CA10: variants seen among roughly 807,000 people sequenced by gnomAD.
The protein encoded by CA10 is carbonic anhydrase-related protein 10.
Under a neutral mutation model 44.2 loss-of-function variants are expected in CA10, and 14 were observed. The ratio of observed to expected loss-of-function variants is 0.32; its 90% CI spans 0.21 to 0.50. The LOEUF (loss-of-function observed/expected upper bound fraction) is 0.50, where lower values mean the gene tolerates loss of function less well. Ranked by LOEUF, CA10 falls within the 20% of genes least tolerant of loss-of-function variation. The pLI is 0.99. For synonymous variants in CA10, 159 were observed against 141.6 expected, an observed-to-expected ratio of 1.12 and a Z score of -0.87; for missense variants, 350 against 409.7, an observed-to-expected ratio of 0.85 and a Z score of 1.26.
At chr17:51,884,678 ACAAACTGGGAGGCTTAGCG>A (rs1431357381) in intron 3 of CA10, among the ~76,000 whole-genome samples, 19 of 150,634 alleles carry the variant, frequency 1.3e-4, no homozygotes, top group Admixed American at 7.2e-4. Flanking sequence ...ACAAATTAGC[ACAAACTGGGAGGCTTAGCG>A]CAAACTGGGA....
chr17:52,118,166 C>T (rs765564107), intron 1 of CA10, among the ~76,000 whole-genome samples: 21 of 151,988 alleles, frequency 1.4e-4, no homozygotes, highest in Non-Finnish European at 2.2e-4. Flanking sequence ...TTGGGATAGA[C>T]GTTAATAGTA....
intron 1 of CA10, among the ~76,000 whole-genome samples, chr17:52,140,893 T>C (rs537252025): frequency 6.6e-6 from 1 of 152,264 alleles, no homozygotes; most frequent in African/African-American, 2.4e-5. Flanking sequence ...TGAGAGAAAA[T>C]GCTCTACCAA....
At chr17:51,645,163 G>A (rs569943320) in intron 6 of CA10, among the ~76,000 whole-genome samples, 12 of 152,112 alleles carry the variant, frequency 7.9e-5, no homozygotes, top group African/African-American at 2.7e-4. Flanking sequence ...CCATCAGCCC[G>A]GTCATGGTCA....
intron 3 of CA10, among the ~76,000 whole-genome samples, chr17:51,921,373 CA>C (rs2143972423): frequency 1.3e-5 from 2 of 152,252 alleles, no homozygotes; most frequent in East Asian, 3.9e-4. Context: ...GAAGTCTGGC[CA>C]AAGTTACTTT....
At chr17:51,870,329 C>A (rs956160901) in intron 3 of CA10, among the ~76,000 whole-genome samples, 9 of 152,332 alleles carry the variant, frequency 5.9e-5, no homozygotes, top group African/African-American at 1.9e-4. Flanking sequence ...AAAGAGCTGG[C>A]AGTCCACAAA....
intron 3 of CA10, among the ~76,000 whole-genome samples, chr17:51,833,731 G>GTA (rs1006920768): frequency 3.9e-5 from 6 of 152,118 alleles, no homozygotes; most frequent in East Asian, 1.9e-4. Context: ...TCTGAAATAT[G>GTA]TATATATATA....
chr17:52,007,225 T>G (rs775111251), intron 2 of CA10, among the ~76,000 whole-genome samples: 1 of 151,666 alleles, frequency 6.6e-6, no homozygotes, highest in Admixed American at 6.6e-5. Flanking sequence ...TCTTTTCCAA[T>G]CAACCTATAG....
At chr17:51,881,481 A>G (rs971971516) in intron 3 of CA10, among the ~76,000 whole-genome samples, 1 of 152,136 alleles carries the variant, frequency 6.6e-6, no homozygotes, top group Non-Finnish European at 1.5e-5. Context: ...CTATAAACAC[A>G]TTCAAAAGAC....
At chr17:51,710,397 G>C (rs1261660188) in intron 4 of CA10, among the ~76,000 whole-genome samples, 1 of 152,094 alleles carries the variant, frequency 6.6e-6, no homozygotes, top group East Asian at 1.9e-4. Flanking sequence ...TTTTGACAGG[G>C]ACTCCCCTCT....
chr17:52,064,582 A>G (rs763547414), intron 2 of CA10, among the ~76,000 whole-genome samples: 3 of 150,914 alleles, frequency 2.0e-5, no homozygotes. Flanking sequence ...TTTTTTTTAA[A>G]GTGGACATTT....
At chr17:52,014,322 C>A (rs1985900875) in intron 2 of CA10, among the ~76,000 whole-genome samples, 2 of 151,898 alleles carry the variant, frequency 1.3e-5, no homozygotes, top group Admixed American at 6.6e-5. Context: ...AGCCTAGAAT[C>A]ACATGCATTA....
At chr17:51,766,054 A>G (rs1905369761) in intron 3 of CA10, among the ~76,000 whole-genome samples, 2 of 152,146 alleles carry the variant, frequency 1.3e-5, no homozygotes, top group Admixed American at 6.6e-5. Context: ...GCTCGGAAGT[A>G]AGCAATGGTG....
chr17:51,822,638 G>C (rs1260058718), intron 3 of CA10, among the ~76,000 whole-genome samples: 1 of 152,126 alleles, frequency 6.6e-6, no homozygotes, highest in Non-Finnish European at 1.5e-5. Flanking sequence ...CTGTAACAGT[G>C]TCTGGCACAT....
At chr17:51,807,277 T>C (rs1238089722) in intron 3 of CA10, among the ~76,000 whole-genome samples, 1 of 152,208 alleles carries the variant, frequency 6.6e-6, no homozygotes, top group Non-Finnish European at 1.5e-5. Flanking sequence ...CTTTATTTTA[T>C]AGATAATGAA....
chr17:51,781,690 C>G (rs1232850080), intron 3 of CA10, among the ~76,000 whole-genome samples: 1 of 152,204 alleles, frequency 6.6e-6, no homozygotes, highest in Non-Finnish European at 1.5e-5. Flanking sequence ...ATCTGTTTCT[C>G]TGTCTGCATG....
intron 1 of CA10, among the ~76,000 whole-genome samples, chr17:52,102,817 C>G (rs1413845173): frequency 6.6e-6 from 1 of 152,140 alleles, no homozygotes; most frequent in Non-Finnish European, 1.5e-5. Flanking sequence ...AAATTTTCCT[C>G]AACCTCATTA....
chr17:51,631,948 T>C (rs1236564491), intron 8 of CA10, among the ~76,000 whole-genome samples: 1 of 152,214 alleles, frequency 6.6e-6, no homozygotes, highest in Admixed American at 6.5e-5. Flanking sequence ...AGGATAGTCA[T>C]CAACCTATCA....
intron 3 of CA10, among the ~76,000 whole-genome samples, chr17:51,856,157 T>A (rs558284209): frequency 1.3e-5 from 2 of 152,316 alleles, no homozygotes; most frequent in Admixed American, 6.5e-5. Flanking sequence ...TTGCTGCCAG[T>A]GCTTTCTATT....
chr17:52,020,682 G>C (rs1016549854), intron 2 of CA10, among the ~76,000 whole-genome samples: 1 of 151,742 alleles, frequency 6.6e-6, no homozygotes. Flanking sequence ...AGATTCAGGG[G>C]GTACATAAGT....
Sources: gnomAD v4.1 joint callset for allele counts (sites outside exome capture counted in the v4.1 genomes callset) on GRCh38, gnomAD v4.1.1 for gene constraint, MANE v1.5 for transcripts, NCBI Gene and HGNC (gene_info 2026-07-23, HGNC 2026-07-21) for gene names.